CEACAM21: variants seen among roughly 807,000 people sequenced by gnomAD.
CEACAM21 encodes CEA cell adhesion molecule 21.
A neutral mutation model predicts 33.2 loss-of-function variants in CEACAM21; 38 were observed. The ratio of observed to expected loss-of-function variants is 1.14; its 90% confidence interval spans 0.88 to 1.50. The LOEUF (loss-of-function observed/expected upper bound fraction) is 1.50. Ranked by LOEUF, CEACAM21 falls within the 40% of genes most tolerant of loss-of-function variation. CEACAM21 has a pLI of 0.00. For synonymous variants in CEACAM21, 156 were observed against 143.0 expected (o/e 1.09, Z -0.65); for missense variants, 385 against 364.6 (o/e 1.06, Z -0.46).
rs2070647727 is a variant in CEACAM21, at chr19:41,585,322, C to T, written c.798-121C>T. The T allele has an allele frequency of 1.3e-5, 13 of 1,010,936 alleles. No individual in the cohort carries two copies. In the South Asian group the frequency reaches 1.7e-4, roughly 13 times the overall value. 62.6% of individuals were successfully genotyped at this position (1,010,936 alleles called of 1,614,324 possible). ...CTGGGCCCCTCCTACCACAGAACTC[C>T]ATAAAGAAAGGAGGTCTCCATACCC... is the stretch of plus-strand genomic sequence containing the variant. On this transcript the variant is annotated intron_variant, in intron 4 of 6. Coordinates refer to ENST00000401445, the MANE Select transcript of CEACAM21 (RefSeq NM_001098506.4).
At chr19:41,580,583 C>T (rs1385749741) in intron 3 of CEACAM21, among the ~76,000 whole-genome samples, 2 of 152,136 alleles carry the variant, frequency 1.3e-5, no homozygotes, top group African/African-American at 2.4e-5. Context: ...CATACTTAGG[C>T]TTACCGGTTT....
At chr19:41,576,419 TGAGAG>T in intron 1 of CEACAM21, 81 bp downstream of exon 1, 1 of 1,445,582 alleles carries the variant, frequency 6.9e-7, no homozygotes, top group Non-Finnish European at 9.3e-7. Flanking sequence ...GATGGGGCTC[TGAGAG>T]GAGACAGAGG....
intron 1 of CEACAM21, 144 bp downstream of exon 1, chr19:41,576,482 A>C: frequency 1.2e-6 from 1 of 856,482 alleles, no homozygotes; most frequent in Non-Finnish European, 1.7e-6. Context: ...AGAACCAAAA[A>C]ATCTAAGTGA....
In CEACAM21 at chr19:41,586,783, G is replaced by C; in HGVS notation, c.*320G>C. ...GTGGGGGCTTGCAGGGAAAGTGAAT[G>C]GGCCTATGGCCCACCCGGGGTCACC... On this transcript the variant is annotated 3_prime_UTR_variant, in exon 7 of 7. Transcript: ENST00000401445. 3 of 342,638 alleles carry C rather than the reference G, an allele frequency of 8.8e-6. No homozygotes were observed. The highest frequency in any genetic ancestry group is 1.7e-5 in the Non-Finnish European group (3 of 176,156). 21.2% of individuals were successfully genotyped at this position (342,638 alleles called of 1,614,324 possible). A position where few individuals can be genotyped will look rare whatever the true frequency, so the allele number is the denominator to read the frequency against.
At chr19:41,554,215 C>T (rs531467203) in intron 1 of CEACAM21, among the ~76,000 whole-genome samples, 1 of 152,144 alleles carries the variant, frequency 6.6e-6, no homozygotes, top group South Asian at 2.1e-4. Flanking sequence ...TTTTTCCTCT[C>T]TTCTGATGTC....
At chr19:41,579,685 G>T (rs1448276027) in intron 3 of CEACAM21, 57 bp downstream of exon 3, 17 of 1,240,870 alleles carry the variant, frequency 1.4e-5, no homozygotes, top group African/African-American at 3.0e-5. Context: ...TAGGAGGGAG[G>T]GGGGGTGTAA....
chr19:41,584,631 G>A (rs2070582232), intron 4 of CEACAM21, among the ~76,000 whole-genome samples, 188 bp downstream of exon 4: 1 of 152,096 alleles, frequency 6.6e-6, no homozygotes, highest in Non-Finnish European at 1.5e-5. Context: ...CAACAGCTTT[G>A]TCCTCAGTGA....
chr19:41,577,048 TG>T (rs1372023639), intron 1 of CEACAM21, among the ~76,000 whole-genome samples, 151 bp from the exon 2 acceptor site: 1 of 151,912 alleles, frequency 6.6e-6, no homozygotes, highest in Non-Finnish European at 1.5e-5. Flanking sequence ...ACTGAAGGAA[TG>T]AGGGTCATGC....
chr19:41,586,503 G>T lies in CEACAM21; in HGVS notation c.*40G>T, dbSNP rs782510652. 1 of 636,848 alleles carries T rather than the reference G, an allele frequency of 1.6e-6. No homozygotes were observed. Among genetic ancestry groups the T allele is most frequent in the South Asian group, 1.4e-5 (1 of 73,412 alleles). 39.4% of individuals were successfully genotyped at this position (636,848 alleles called of 1,614,324 possible). ...TGACACAAACATTTACTGCTGGATC[G>T]ACCACAAAGCAGATGTGGCTTCTTA... On this transcript the variant is annotated 3_prime_UTR_variant, in exon 7 of 7. Transcript: ENST00000401445.
chr19:41,577,142 C>T (rs893933069), intron 1 of CEACAM21, 58 bp from the exon 2 acceptor site: 31 of 1,606,024 alleles, frequency 1.9e-5, no homozygotes, highest in African/African-American at 9.4e-5. Flanking sequence ...CCCAGGACCC[C>T]GTCTTTCCAT....
At chr19:41,561,358 A>C (rs1035515621) in intron 1 of CEACAM21, among the ~76,000 whole-genome samples, 1 of 151,454 alleles carries the variant, frequency 6.6e-6, no homozygotes, top group Non-Finnish European at 1.5e-5. Context: ...TTCACATGCA[A>C]GGCCTCTATG....
chr19:41,559,558 C>CA (rs1433115006), intron 1 of CEACAM21, among the ~76,000 whole-genome samples: 9 of 151,366 alleles, frequency 5.9e-5, no homozygotes, highest in Admixed American at 2.0e-4. Flanking sequence ...AATATAAAGG[C>CA]AAAAAATAAG....
intron 1 of CEACAM21, among the ~76,000 whole-genome samples, chr19:41,563,025 G>T (rs1484722665): frequency 1.3e-5 from 2 of 152,320 alleles, no homozygotes; most frequent in East Asian, 3.9e-4. Flanking sequence ...ACTGCGCCCA[G>T]CCTCAGTATT....
At chr19:41,565,973 G>C (rs11882076) in intron 2 of CEACAM21, among the ~76,000 whole-genome samples, 1 of 136,900 alleles carries the variant, frequency 7.3e-6, no homozygotes, top group East Asian at 2.6e-4. Flanking sequence ...GGGGGCGGGG[G>C]GGGTGGGGTT....
In CEACAM21 at chr19:41,577,511, T is replaced by C. The variant is rs1555791738; in HGVS notation, c.376T>C (p.Tyr126His). ...GGGATACTACAACCTACAAGTCACA[T>C]ACAGAAATTCTCAGATTGAACAGGC... Reference protein sequence around the residue: ...DTGYYNLQVTYRNSQIEQASH... With the variant: ...DTGYYNLQVTHRNSQIEQASH... Residue 126 changes from tyrosine to histidine, a missense_variant, in exon 2 of 7, where the codon TAC (tyrosine) becomes CAC (histidine). Coordinates refer to ENST00000401445, the MANE Select transcript of CEACAM21 (RefSeq NM_001098506.4). 6.2e-7 allele frequency: 1 copy of C among 1,614,030 alleles called. No individual in the cohort carries two copies. Among genetic ancestry groups the C allele is most frequent in the South Asian group, 1.1e-5 (1 of 91,070 alleles).
rs782192255 is a variant in CEACAM21 at position 41,579,530 on chromosome 19, T to C, written c.602T>C (p.Ile201Thr). ...KLSWFNHVLT[I>T]DPIRQEDAGE... ...TCCTGGTTTAACCATGTGCTCACCA[T>C]AGACCCCATCAGGCAGGAGGACGCT... is the stretch of plus-strand genomic sequence containing the variant. The change falls in exon 3 of 7, where the codon ATA becomes ACA. Residue 201 changes from isoleucine (I) to threonine (T), a missense_variant. By Grantham distance (89) the Ile-to-Thr change is moderately conservative (BLOSUM62 -1). Coordinates refer to ENST00000401445, the MANE Select transcript of CEACAM21 (RefSeq NM_001098506.4). 6.2e-7 allele frequency: 1 copy of C among 1,613,366 alleles called. No homozygotes were observed. The highest frequency in any genetic ancestry group is 8.5e-7 in the Non-Finnish European group (1 of 1,179,576).
At chr19:41,583,830 A>G (rs1333680960) in intron 3 of CEACAM21, among the ~76,000 whole-genome samples, 2 of 152,234 alleles carry the variant, frequency 1.3e-5, no homozygotes, top group Admixed American at 6.5e-5. Flanking sequence ...AACCATATCA[A>G]TGGTGATGAA....
Position 41,571,150 on chromosome 19 carries a change from G to T in CEACAM21, c.-403-6050G>T, listed in dbSNP as rs983940363. 3.9e-5 allele frequency among the ~76,000 whole-genome samples: 6 copies of T among 152,136 alleles called. No individual in the cohort carries two copies. The South Asian group carries it at 8.3e-4, about 21-fold the overall frequency. On this transcript the variant is annotated intron_variant, in intron 2 of 7. Transcript: ENST00000407170. ...ACAATGTTTCCAGACTTTGCCAAAT[G>T]TCCCCTAGAGGGCAAAATTTCCCCT...
intron 1 of CEACAM21, among the ~76,000 whole-genome samples, chr19:41,556,125 G>C (rs1163033123): frequency 6.6e-6 from 1 of 152,198 alleles, no homozygotes; most frequent in African/African-American, 2.4e-5. Flanking sequence ...AGGAATTTCA[G>C]AGTCACTTAA....
Sources: allele counts gnomAD v4.1 joint callset (sites outside exome capture counted in the v4.1 genomes callset), GRCh38; gene constraint gnomAD v4.1.1; transcripts MANE v1.5; gene names NCBI Gene and HGNC (gene_info 2026-07-23, HGNC 2026-07-21).